The following DNAH6 variants were observed in gnomAD, a reference collection of about 807,000 sequenced individuals.
DNAH6 encodes the protein dynein axonemal heavy chain 6.
In DNAH6, 340 loss-of-function variants were observed where a neutral mutation model predicts 491.4. The observed-to-expected ratio is 0.69, with a 90% CI of 0.63 to 0.76. The LOEUF (loss-of-function observed/expected upper bound fraction) is 0.76, where lower values mean the gene tolerates loss of function less well. Among genes scored for constraint, DNAH6 ranks in the 30% least tolerant of loss-of-function variants. The pLI is 0.00. For missense variants in DNAH6, 4,443 were observed against 4,972.2 expected, an observed-to-expected ratio of 0.89 and a Z score of 3.20; for synonymous variants, 1,603 against 1,686.1, an observed-to-expected ratio of 0.95 and a Z score of 1.21.
rs1406119317 is a variant in DNAH6, at chr2:84,789,341, CTT to C, written c.11239+2041_11239+2042del. 2.0e-5 allele frequency among the ~76,000 whole-genome samples: 3 copies of C among 152,212 alleles called. No homozygotes were observed. In the South Asian group the frequency reaches 6.2e-4, roughly 32 times the overall value. On this transcript the variant is annotated intron_variant, in intron 68 of 76. Transcript: ENST00000389394. ...TTACTGAAAATTAAAGTTGAGCAAA[CTT>C]TCCACTCCATAGGTGCCAAAACTCT...
At chr2:84,645,754 T>C (rs1457689571) in intron 33 of DNAH6, among the ~76,000 whole-genome samples, 2 of 152,186 alleles carry the variant, frequency 1.3e-5, no homozygotes, top group Non-Finnish European at 2.9e-5. Flanking sequence ...GAGGTAAAAC[T>C]CACAAAAGAT....
intron 66 of DNAH6, 34 bp from the exon 67 acceptor site, chr2:84,785,576 C>A (rs1198969827): frequency 6.8e-7 from 1 of 1,478,690 alleles, no homozygotes; most frequent in East Asian, 2.5e-5. Flanking sequence ...TATAAAATCA[C>A]TCTCTCTGCC....
the DNAH6 span, among the ~76,000 whole-genome samples, chr2:84,480,258 C>T: frequency 6.6e-6 from 1 of 152,178 alleles, no homozygotes; most frequent in South Asian, 2.1e-4. Context: ...AAAGAATAAT[C>T]AGTAGGTTTT....
intron 10 of DNAH6, among the ~76,000 whole-genome samples, chr2:84,553,727 C>T (rs1445565080): frequency 6.6e-6 from 1 of 150,462 alleles, no homozygotes; most frequent in Admixed American, 6.7e-5. Context: ...GCCTCTGCCT[C>T]CCAAAGTGCT....
intron 64 of DNAH6, among the ~76,000 whole-genome samples, chr2:84,763,862 T>G (rs1285095213): frequency 6.6e-6 from 1 of 151,860 alleles, no homozygotes; most frequent in African/African-American, 2.4e-5. Flanking sequence ...CCAGGAGAGC[T>G]GATGGTATAA....
chr2:84,477,821 C>T, the DNAH6 span, among the ~76,000 whole-genome samples: 9 of 152,142 alleles, frequency 5.9e-5, no homozygotes, highest in Non-Finnish European at 8.8e-5. Context: ...AGTATCTTAC[C>T]TCTAGAATCG....
chr2:84,546,175 A>G (rs1331232473), intron 5 of DNAH6, among the ~76,000 whole-genome samples: 1 of 152,142 alleles, frequency 6.6e-6, no homozygotes, highest in East Asian at 1.9e-4. Context: ...GGAATCATAC[A>G]ATACACTTGG....
Position 84,814,132 on chromosome 2 carries a change from A to G in DNAH6, c.12150+10A>G. The G allele has an allele frequency of 6.5e-7, 1 of 1,549,800 alleles. No individual in the cohort carries two copies. The highest frequency in any genetic ancestry group is 8.7e-7 in the Non-Finnish European group (1 of 1,145,696). ...GCCCATGGACATGGAGGTATTGTCC[A>G]CCTGGCTGTTATGGCAAAGCAGCTT... On this transcript the variant is annotated intron_variant, in intron 75 of 76. Transcript: ENST00000389394.
intron 14 of DNAH6, among the ~76,000 whole-genome samples, chr2:84,583,306 A>G (rs1043005376): frequency 6.6e-6 from 1 of 152,208 alleles, no homozygotes; most frequent in Non-Finnish European, 1.5e-5. Context: ...AAGCTCAGAT[A>G]CTACAGCTGA....
intron 2 of DNAH6, among the ~76,000 whole-genome samples, chr2:84,519,020 G>GT (rs1675878531): frequency 1.3e-5 from 2 of 152,112 alleles, no homozygotes; most frequent in Non-Finnish European, 2.9e-5. Context: ...ACTCCAGCCT[G>GT]GGTGACAGAG....
Position 84,550,046 on chromosome 2 carries a change from C to CT in DNAH6, c.1474_1475insT (p.Pro492LeufsTer2), listed in dbSNP as rs781612864. ...GATTACTGAAGAGAAGCCTGAAGTC[C>CT]CTGATAAAAAGGTATACTCACACAA... On this transcript the variant is annotated frameshift_variant, in exon 9 of 77. Coordinates refer to ENST00000389394, the MANE Select transcript of DNAH6 (RefSeq NM_001370.2). LOFTEE classifies it high-confidence loss of function. 2.9e-5 allele frequency: 47 copies of CT among 1,611,916 alleles called. No homozygotes were observed. Among genetic ancestry groups the CT allele is most frequent in the Non-Finnish European group, 3.9e-5 (46 of 1,179,250 alleles).
intron 68 of DNAH6, among the ~76,000 whole-genome samples, chr2:84,788,218 T>C (rs532158558): frequency 6.6e-6 from 1 of 152,252 alleles, no homozygotes; most frequent in South Asian, 2.1e-4. Flanking sequence ...CTTAGCAAAG[T>C]GATGATGTAG....
the DNAH6 span, among the ~76,000 whole-genome samples, chr2:84,499,296 T>C: frequency 6.6e-6 from 1 of 152,142 alleles, no homozygotes; most frequent in Non-Finnish European, 1.5e-5. Flanking sequence ...ACATGCAATG[T>C]TTGTCTTTCT....
chr2:84,801,495 T>G (rs1020492963), intron 70 of DNAH6, among the ~76,000 whole-genome samples: 1 of 152,086 alleles, frequency 6.6e-6, no homozygotes, highest in Admixed American at 6.5e-5. Flanking sequence ...CTATATTACC[T>G]ATAAGGGGAA....
At chr2:84,643,365 A>G (rs1194168164) in intron 33 of DNAH6, among the ~76,000 whole-genome samples, 4 of 151,180 alleles carry the variant, frequency 2.6e-5, no homozygotes, top group Non-Finnish European at 5.9e-5. Flanking sequence ...TTAGGTATTT[A>G]TCCTGCTTAG....
chr2:84,583,062 C>T lies in DNAH6; in HGVS notation c.2230-937C>T, dbSNP rs58813661. On this transcript the variant is annotated intron_variant, in intron 14 of 76. Coordinates refer to ENST00000389394, the MANE Select transcript of DNAH6 (RefSeq NM_001370.2). ...CAGAGTTGCGGGTAAGGAGCATTCC[C>T]AAAACTGGGGTATCCCTTGCCAGAA... Among the ~76,000 whole-genome samples, 547 of 152,282 alleles carry T rather than the reference C, an allele frequency of 3.6e-3. 5 individuals carry two copies. The highest frequency in any genetic ancestry group is 0.012 in the African/African-American group (515 of 41,562).
At position 84,797,674 on chromosome 2, in the gene DNAH6, T is replaced by C; in HGVS notation, c.11481+16T>C. The C allele has an allele frequency of 3.2e-6, 5 of 1,546,420 alleles. No individual in the cohort carries two copies. Among genetic ancestry groups the C allele is most frequent in the Non-Finnish European group, 3.5e-6 (4 of 1,142,862 alleles). ...AGTCTTCCAGGTATGTGGCCTTTCA[T>C]CTTAAAATACATATTTATGTTGTGT... On this transcript the variant is annotated intron_variant, in intron 70 of 76. Transcript: ENST00000389394.
chr2:84,741,944 G>A (rs1199617325), intron 62 of DNAH6, among the ~76,000 whole-genome samples: 1 of 152,204 alleles, frequency 6.6e-6, no homozygotes. Context: ...CCCTCTTACT[G>A]TTTCCCTGCA....
At chr2:84,786,424 CAAAAAAAA>C (rs34307388) in intron 67 of DNAH6, among the ~76,000 whole-genome samples, 2 of 88,792 alleles carry the variant, frequency 2.3e-5, no homozygotes, top group Non-Finnish European at 5.0e-5. Context: ...GACTCTGTCT[CAAAAAAAA>C]AAAAAAAAAA....
Sources: allele counts gnomAD v4.1 joint callset (sites outside exome capture counted in the v4.1 genomes callset), GRCh38; gene constraint gnomAD v4.1.1; transcripts MANE v1.5; gene names NCBI Gene and HGNC (gene_info 2026-07-23, HGNC 2026-07-21).